PRKD3: variants seen among roughly 807,000 people sequenced by gnomAD.
The protein encoded by PRKD3 is protein kinase D3.
PRKD3 carries 47 observed loss-of-function variants against 99.2 expected under a neutral mutation model. The ratio of observed to expected loss-of-function variants is 0.47; its 90% CI spans 0.38 to 0.60. The LOEUF is 0.60. PRKD3 is among the 20% of genes least tolerant of loss of function. The probability of loss-of-function intolerance (pLI) is 0.00; values close to 1 mark genes in which losing one functional copy is unlikely to be tolerated. For missense variants in PRKD3, 1,019 were observed against 1,088.4 expected (o/e 0.94, Z 0.90); for synonymous variants, 392 against 355.4 (o/e 1.10, Z -1.16).
At chr2:37,282,766 C>G (rs535392716) in intron 6 of PRKD3, 147 bp from the exon 7 acceptor site, 1 of 626,000 alleles carries the variant, frequency 1.6e-6, no homozygotes, top group East Asian at 2.8e-5. Flanking sequence ...ACTTTAGCAC[C>G]CCTCTGCACC....
intron 16 of PRKD3, among the ~76,000 whole-genome samples, chr2:37,257,542 T>C (rs948102476): frequency 6.6e-6 from 1 of 151,866 alleles, no homozygotes; most frequent in East Asian, 1.9e-4. Context: ...GGCGGGTGCC[T>C]GTAGTCCCAG....
intron 2 of PRKD3, among the ~76,000 whole-genome samples, chr2:37,295,035 A>G (rs575724546): frequency 6.6e-6 from 1 of 152,344 alleles, no homozygotes; most frequent in Non-Finnish European, 1.5e-5. Context: ...AGATTGCACA[A>G]CTGCACTCCA....
At chr2:37,320,774 T>C (rs993148243) in intron 1 of PRKD3, among the ~76,000 whole-genome samples, 6 of 152,208 alleles carry the variant, frequency 3.9e-5, no homozygotes, top group Non-Finnish European at 8.8e-5. Flanking sequence ...TCCCACTAAA[T>C]ATCATTTTAT....
At position 37,324,166 on chromosome 2, in the gene PRKD3, G is replaced by A. The variant is rs961474101; in HGVS notation, c.-656+515C>T. ...AACGCAGTCGGGATACTGGGGCGAG[G>A]GGCTTACATTCTCCAAGCACCATTT... is the stretch of plus-strand genomic sequence containing the variant. On this transcript the variant is annotated intron_variant, in intron 1 of 18. Transcript: ENST00000234179. 1.6e-5 allele frequency: 16 copies of A among 985,130 alleles called. 1 individual carries two copies. Among genetic ancestry groups the A allele is most frequent in the South Asian group, 9.4e-5 (2 of 21,286 alleles). The allele number at this position is 985,130 out of a possible 1,614,324, so 61.0% of individuals were successfully genotyped here.
intron 3 of PRKD3, among the ~76,000 whole-genome samples, chr2:37,292,438 T>C (rs1397097298): frequency 1.3e-5 from 2 of 151,414 alleles, no homozygotes; most frequent in African/African-American, 4.9e-5. Context: ...CTCCACCTCC[T>C]AGGTTCACGC....
chr2:37,314,369 G>T lies in PRKD3; in HGVS notation c.288+1868C>A, dbSNP rs184479441. Among the ~76,000 whole-genome samples the T allele has an allele frequency of 2.6e-5, 4 of 152,220 alleles. No individual in the cohort carries two copies. In the East Asian group the frequency reaches 7.7e-4, roughly 29 times the overall value. ...ATATTTGTATAATTATCCTTTTTAA[G>T]CTATATCCTATTTCCCTGACATCAC... On this transcript the variant is annotated intron_variant, in intron 2 of 18. Coordinates refer to ENST00000234179, the MANE Select transcript of PRKD3 (RefSeq NM_005813.6).
At chr2:37,277,791 T>G in intron 9 of PRKD3, 75 bp downstream of exon 9, 4 of 1,482,076 alleles carry the variant, frequency 2.7e-6, no homozygotes, top group Non-Finnish European at 3.7e-6. Flanking sequence ...CATCATCATT[T>G]TGATTTAAAA....
intron 5 of PRKD3, among the ~76,000 whole-genome samples, chr2:37,288,638 A>T (rs1670234025): frequency 6.6e-6 from 1 of 152,090 alleles, no homozygotes; most frequent in African/African-American, 2.4e-5. Flanking sequence ...GGTACACTGT[A>T]TTAGGAAAAA....
In PRKD3 at chr2:37,253,025, C is replaced by T; in HGVS notation, c.*152G>A. 2 of 665,172 alleles carry T rather than the reference C, an allele frequency of 3.0e-6. No homozygotes were observed. Among genetic ancestry groups the T allele is most frequent in the Non-Finnish European group, 4.6e-6 (2 of 438,242 alleles). 41.2% of individuals were successfully genotyped at this position (665,172 alleles called of 1,614,324 possible). A position where few individuals can be genotyped will look rare whatever the true frequency, so the allele number is the denominator to read the frequency against. ...ATTCAGTTTCCCGCCTGTACCTACT[C>T]ATTATGAACTACAGTACTGGTGTCA... On this transcript the variant is annotated 3_prime_UTR_variant, in exon 19 of 19. Coordinates refer to ENST00000234179, the MANE Select transcript of PRKD3 (RefSeq NM_005813.6).
At position 37,278,010 on chromosome 2, in the gene PRKD3, G is replaced by C. The variant is rs776125250; in HGVS notation, c.1173-21C>G. ...ATGGACTAAAAAATATTTAAAATTT[G>C]TAAGTTTGTGTAGATTTTTAAAAAA... On this transcript the variant is annotated intron_variant, in intron 8 of 18. Coordinates refer to ENST00000234179, the MANE Select transcript of PRKD3 (RefSeq NM_005813.6). 1.6e-5 allele frequency: 26 copies of C among 1,576,378 alleles called. 2 individuals carry two copies. Among genetic ancestry groups the C allele is most frequent in the Non-Finnish European group, 1.7e-6 (2 of 1,154,488 alleles).
At chr2:37,290,561 C>T (rs777940776) in intron 4 of PRKD3, among the ~76,000 whole-genome samples, 4 of 152,174 alleles carry the variant, frequency 2.6e-5, no homozygotes, top group Non-Finnish European at 4.4e-5. Flanking sequence ...CAAAAAACAA[C>T]ATGAATATTT....
At chr2:37,321,559 T>G (rs1371510739) in intron 1 of PRKD3, among the ~76,000 whole-genome samples, 1 of 152,212 alleles carries the variant, frequency 6.6e-6, no homozygotes, top group Non-Finnish European at 1.5e-5. Flanking sequence ...ACTTAACAAA[T>G]ACTTAATTAG....
At position 37,251,233 on chromosome 2, in the gene PRKD3, C is replaced by G. The variant is rs1255197388; in HGVS notation, c.*1944G>C. 4 of 152,456 alleles carry G rather than the reference C, an allele frequency of 2.6e-5. No individual in the cohort carries two copies. Among genetic ancestry groups the G allele is most frequent in the Admixed American group, 2.0e-4 (3 of 15,264 alleles). 9.4% of individuals were successfully genotyped at this position (152,456 alleles called of 1,614,324 possible). A position where few individuals can be genotyped will look rare whatever the true frequency, so the allele number is the denominator to read the frequency against. On this transcript the variant is annotated 3_prime_UTR_variant, in exon 19 of 19. Coordinates refer to ENST00000234179, the MANE Select transcript of PRKD3 (RefSeq NM_005813.6). ...TTTTTGAAAATTAATTTGATTTAAT[C>G]TTTGAAGCTTCTATAGAAGGACAAA... is the stretch of plus-strand genomic sequence containing the variant.
chr2:37,287,985 A>G lies in PRKD3; in HGVS notation c.717+1371T>C, dbSNP rs374114671. ...CATGCTACAAGTTCTACTTGTTTAA[A>G]AATACCCTGAACAATCTAACCAATT... On this transcript the variant is annotated intron_variant, in intron 5 of 18. Coordinates refer to ENST00000234179, the MANE Select transcript of PRKD3 (RefSeq NM_005813.6). 2.7e-4 allele frequency among the ~76,000 whole-genome samples: 41 copies of G among 152,324 alleles called. No homozygotes were observed. In the South Asian group the frequency reaches 8.1e-3, roughly 30 times the overall value.
At chr2:37,269,787 T>C in intron 12 of PRKD3, 100 bp from the exon 13 acceptor site, 1 of 799,802 alleles carries the variant, frequency 1.3e-6, no homozygotes, top group South Asian at 2.0e-5. Flanking sequence ...ATTTTTATGT[T>C]AGAAGCAGCT....
At chr2:37,323,294 C>T (rs1467433534) in intron 1 of PRKD3, among the ~76,000 whole-genome samples, 1 of 151,120 alleles carries the variant, frequency 6.6e-6, no homozygotes, top group Non-Finnish European at 1.5e-5. Flanking sequence ...TACTAAATTA[C>T]AGAACCTGAG....
intron 11 of PRKD3, 69 bp from the exon 12 acceptor site, chr2:37,272,501 CT>C (rs1458116447): frequency 2.0e-6 from 3 of 1,514,308 alleles, no homozygotes; most frequent in Non-Finnish European, 2.6e-6. Flanking sequence ...CATGTGAATG[CT>C]CATGGTATAT....
chr2:37,297,061 C>G (rs939334046), intron 2 of PRKD3, among the ~76,000 whole-genome samples: 4 of 151,686 alleles, frequency 2.6e-5, no homozygotes, highest in Non-Finnish European at 4.4e-5. Context: ...AAACAAAAAC[C>G]AAACTGTTAA....
Position 37,276,865 on chromosome 2 carries a change from A to G in PRKD3, c.1296+1001T>C, listed in dbSNP as rs147042623. Among the ~76,000 whole-genome samples the G allele has an allele frequency of 6.9e-3, 1,043 of 151,218 alleles. 23 individuals are homozygous for G. Among genetic ancestry groups the G allele is most frequent in the East Asian group, 0.058 (302 of 5,168 alleles). ...ACATATATATAACTTTATTTTTTTC[A>G]AAATGGCTAGATGCTTGTCCCAACA... On this transcript the variant is annotated intron_variant, in intron 9 of 18. Transcript: ENST00000234179.
Sources: gnomAD v4.1 joint callset for allele counts (sites outside exome capture counted in the v4.1 genomes callset) on GRCh38, gnomAD v4.1.1 for gene constraint, MANE v1.5 for transcripts, NCBI Gene and HGNC (gene_info 2026-07-23, HGNC 2026-07-21) for gene names.